Variants in HMGB1 observed in about 807,000 individuals in gnomAD.
HMGB1 encodes the protein high mobility group box 1, also known as high mobility group protein B1.
For missense variants in HMGB1, 79 were observed against 253.5 expected, an observed-to-expected ratio of 0.31 and a Z score of 4.67; for synonymous variants, 81 against 84.0, an observed-to-expected ratio of 0.96 and a Z score of 0.19.
At chr13:30,535,770 A>G (rs564847042) in intron 1 of HMGB1, among the ~76,000 whole-genome samples, 1 of 152,332 alleles carries the variant, frequency 6.6e-6, no homozygotes, top group South Asian at 2.1e-4. Flanking sequence ...CATGCCTGTT[A>G]TCCCAGCTAC....
intron 1 of HMGB1, among the ~76,000 whole-genome samples, chr13:30,480,743 G>A (rs536948318): frequency 1.3e-5 from 2 of 151,718 alleles, no homozygotes; most frequent in Admixed American, 1.3e-4. Flanking sequence ...TCCTTCCCTC[G>A]CTCCTTTTTC....
chr13:30,553,625 A>C, intron 1 of HMGB1: 2 of 634,886 alleles, frequency 3.2e-6, no homozygotes, highest in Non-Finnish European at 5.7e-6. Context: ...CTTAGGAGCC[A>C]ACCTCACTCT....
At chr13:30,575,306 T>C (rs1870603449) in intron 1 of HMGB1, among the ~76,000 whole-genome samples, 1 of 152,198 alleles carries the variant, frequency 6.6e-6, no homozygotes, top group African/African-American at 2.4e-5. Flanking sequence ...TTTCAGTAAG[T>C]ACTGATGAGG....
chr13:30,466,727 TA>T (rs1886799372), upstream of HMGB1, among the ~76,000 whole-genome samples: 1 of 152,214 alleles, frequency 6.6e-6, no homozygotes, highest in Admixed American at 6.5e-5. Context: ...GGAAATCAAA[TA>T]ATTATTCCAT....
At chr13:30,541,649 T>A (rs1318296376) in intron 1 of HMGB1, 1 of 154,940 alleles carries the variant, frequency 6.5e-6, no homozygotes, top group African/African-American at 2.4e-5. Context: ...AGTAGTCTTC[T>A]GCTTCTTGGT....
intron 1 of HMGB1, among the ~76,000 whole-genome samples, chr13:30,532,428 G>A (rs1888517637): frequency 6.6e-6 from 1 of 151,596 alleles, no homozygotes; most frequent in South Asian, 2.1e-4. Context: ...AGTAGACCTA[G>A]GTATACTTCA....
At chr13:30,591,742 T>A (rs1328064190) in intron 1 of HMGB1, among the ~76,000 whole-genome samples, 1 of 152,088 alleles carries the variant, frequency 6.6e-6, no homozygotes, top group East Asian at 1.9e-4. Flanking sequence ...GCTCAAGCGA[T>A]CCTCCCACCT....
chr13:30,505,007 G>A (rs1260531506), intron 1 of HMGB1, among the ~76,000 whole-genome samples: 1 of 151,818 alleles, frequency 6.6e-6, no homozygotes, highest in Non-Finnish European at 1.5e-5. Flanking sequence ...GTCTCACTCT[G>A]TCACCCAGGC....
chr13:30,577,534 A>C (rs1235705636), intron 1 of HMGB1, among the ~76,000 whole-genome samples: 2 of 152,084 alleles, frequency 1.3e-5, no homozygotes, highest in African/African-American at 4.8e-5. Flanking sequence ...CTGTTACCGC[A>C]GAGTAGCTCA....
intron 1 of HMGB1, among the ~76,000 whole-genome samples, chr13:30,488,717 C>A (rs1277503387): frequency 6.7e-6 from 1 of 149,518 alleles, no homozygotes; most frequent in African/African-American, 2.5e-5. Flanking sequence ...CAGGGTCTCA[C>A]TATGTTGCCC....
At chr13:30,478,021 G>A (rs1887138200) in intron 1 of HMGB1, among the ~76,000 whole-genome samples, 1 of 152,188 alleles carries the variant, frequency 6.6e-6, no homozygotes, top group Non-Finnish European at 1.5e-5. Context: ...TGACTTACAA[G>A]AATGGAAATG....
At chr13:30,536,418 C>T (rs868264893) in intron 1 of HMGB1, among the ~76,000 whole-genome samples, 24 of 152,040 alleles carry the variant, frequency 1.6e-4, no homozygotes, top group Admixed American at 7.2e-4. Flanking sequence ...GGTGCGATCT[C>T]GGCTCACTGC....
chr13:30,550,440 T>C (rs1869372261), intron 1 of HMGB1, among the ~76,000 whole-genome samples: 1 of 152,218 alleles, frequency 6.6e-6, no homozygotes, highest in Non-Finnish European at 1.5e-5. Context: ...ATATCCTCCC[T>C]GACATGGTGG....
At chr13:30,609,381 C>G (rs894585144) in intron 1 of HMGB1, among the ~76,000 whole-genome samples, 1 of 152,196 alleles carries the variant, frequency 6.6e-6, no homozygotes, top group Non-Finnish European at 1.5e-5. Context: ...TGGAATCATG[C>G]ATGAAACCCA....
chr13:30,486,120 T>A (rs567785144), intron 1 of HMGB1, among the ~76,000 whole-genome samples: 7 of 152,186 alleles, frequency 4.6e-5, no homozygotes, highest in African/African-American at 1.7e-4. Flanking sequence ...AAACCAGGAA[T>A]GTTGTGTGGC....
intron 1 of HMGB1, among the ~76,000 whole-genome samples, chr13:30,516,316 C>T (rs1304037150): frequency 6.6e-6 from 1 of 152,182 alleles, no homozygotes; most frequent in Non-Finnish European, 1.5e-5. Flanking sequence ...AAAGTGTCTT[C>T]CTCCTTTCCT....
At chr13:30,580,362 C>T (rs138167758) in intron 1 of HMGB1, among the ~76,000 whole-genome samples, 338 of 152,196 alleles carry the variant, frequency 2.2e-3, no homozygotes, top group African/African-American at 7.6e-3. Flanking sequence ...TGTGGCACTA[C>T]GAGAAAGAAA....
At chr13:30,554,190 A>G in intron 1 of HMGB1, 1 of 1,416,430 alleles carries the variant, frequency 7.1e-7, no homozygotes. Flanking sequence ...ACAATATCTC[A>G]CTTGCATTAT....
In HMGB1 at chr13:30,458,273, T is replaced by C. The variant is rs1441382789; in HGVS notation, c.*3084A>G. On this transcript the variant is annotated 3_prime_UTR_variant, in exon 5 of 5. Transcript: ENST00000341423. ...ATGTGAACTTTCATCAAGGACTATG[T>C]GATGTCAAGCAAGGCAGTACCCATG... The C allele has an allele frequency of 6.6e-6, 1 of 151,790 alleles. No individual in the cohort carries two copies. Among genetic ancestry groups the C allele is most frequent in the African/African-American group, 2.4e-5 (1 of 41,292 alleles). The allele number at this position is 151,790 out of a possible 1,614,324, so 9.4% of individuals were successfully genotyped here. A position where few individuals can be genotyped will look rare whatever the true frequency, so the allele number is the denominator to read the frequency against.
Sources: gnomAD v4.1 joint callset for allele counts (sites outside exome capture counted in the v4.1 genomes callset) on GRCh38, gnomAD v4.1.1 for gene constraint, MANE v1.5 for transcripts, NCBI Gene and HGNC (gene_info 2026-07-23, HGNC 2026-07-21) for gene names.